ADAMTS12: variants seen among roughly 807,000 people sequenced by gnomAD.
ADAMTS12 encodes the protein ADAM metallopeptidase with thrombospondin type 1 motif 12.
Under a neutral mutation model 167.8 loss-of-function variants are expected in ADAMTS12, and 118 were observed. The observed-to-expected ratio is 0.70, with a 90% CI of 0.61 to 0.82. The LOEUF is 0.82. ADAMTS12 is among the 40% of genes least tolerant of loss of function. The pLI, the probability that ADAMTS12 is intolerant of heterozygous loss-of-function variation, is 0.00. For synonymous variants in ADAMTS12, 704 were observed against 716.9 expected (o/e 0.98, Z 0.29); for missense variants, 1,916 against 1,998.8 (o/e 0.96, Z 0.79).
chr5:33,555,828 T>A (rs1745465430), intron 20 of ADAMTS12, among the ~76,000 whole-genome samples: 1 of 152,214 alleles, frequency 6.6e-6, no homozygotes, highest in African/African-American at 2.4e-5. Context: ...CCATGCAATG[T>A]CAGACACGTG....
chr5:33,858,623 C>T (rs1370292547), intron 2 of ADAMTS12, among the ~76,000 whole-genome samples: 1 of 151,056 alleles, frequency 6.6e-6, no homozygotes, highest in East Asian at 1.9e-4. Context: ...ACACCACTAC[C>T]CTCCAGTCTG....
In ADAMTS12 at chr5:33,662,789, C is replaced by T. The variant is rs574356985; in HGVS notation, c.916-749G>A. Among the ~76,000 whole-genome samples the T allele has an allele frequency of 3.3e-5, 5 of 152,304 alleles. No individual in the cohort carries two copies. The South Asian group carries it at 1.0e-3, about 32-fold the overall frequency. ...AGAAAAATAGTCAGCTCTTTAGTGG[C>T]TCCGGTTTAATTTGAATTTCTAAAG... On this transcript the variant is annotated intron_variant, in intron 5 of 23. Transcript: ENST00000504830.
intron 3 of ADAMTS12, among the ~76,000 whole-genome samples, chr5:33,702,991 G>T (rs759882799): frequency 6.6e-6 from 1 of 152,084 alleles, no homozygotes; most frequent in Admixed American, 6.6e-5. Flanking sequence ...TCCACAGGTG[G>T]GGAGCACCTT....
At chr5:33,632,265 T>TGAAAAATTACCTATTGGGTACAGTGTG (rs1739979943) in intron 12 of ADAMTS12, among the ~76,000 whole-genome samples, 1 of 151,594 alleles carries the variant, frequency 6.6e-6, no homozygotes, top group Admixed American at 6.6e-5. Flanking sequence ...TGGAAGGAGT[T>TGAAAAATTACCTATTGGGTACAGTGTG]TGAGGGTTGA....
At position 33,615,996 on chromosome 5, in the gene ADAMTS12, G is replaced by A. The variant is rs752669536; in HGVS notation, c.2220C>T (p.Phe740=). ...CAGGATCTTCACTCCTGATGGCCAG[G>A]AAGTTTCCAGCTCCCTCAATTTCCA... The part of the protein sequence containing the change: ...RVMEIEGAGN[F]LAIRSEDPEK... The change falls in exon 15 of 24, where the codon TTC becomes TTT. Residue 740 remains phenylalanine (F), a synonymous_variant. Transcript: ENST00000504830. 45 of 1,614,022 alleles carry A rather than the reference G, an allele frequency of 2.8e-5. No individual in the cohort carries two copies. The African/African-American group carries it at 5.2e-4, about 19-fold the overall frequency.
chr5:33,562,829 A>G (rs1198687506), intron 19 of ADAMTS12, among the ~76,000 whole-genome samples: 1 of 152,084 alleles, frequency 6.6e-6, no homozygotes, highest in Non-Finnish European at 1.5e-5. Flanking sequence ...ACAGGGCTTC[A>G]CCATATTGAC....
At chr5:33,585,038 TATCCATCC>T (rs34073710) in intron 18 of ADAMTS12, among the ~76,000 whole-genome samples, 6,515 of 150,466 alleles carry the variant, frequency 0.043, 422 homozygotes, top group African/African-American at 0.14. Flanking sequence ...GTTATCCATG[TATCCATCC>T]ATCCATCCAT....
intron 3 of ADAMTS12, among the ~76,000 whole-genome samples, chr5:33,739,435 A>G (rs1403951416): frequency 6.6e-6 from 1 of 152,026 alleles, no homozygotes; most frequent in Non-Finnish European, 1.5e-5. Flanking sequence ...CTTTTTAACC[A>G]AATACCACAT....
At chr5:33,754,873 TA>T (rs1745117644) in intron 2 of ADAMTS12, among the ~76,000 whole-genome samples, 1 of 152,052 alleles carries the variant, frequency 6.6e-6, no homozygotes, top group South Asian at 2.1e-4. Context: ...AATAAATAAA[TA>T]AATAAATAAA....
At chr5:33,692,280 C>T (rs912426344) in intron 3 of ADAMTS12, among the ~76,000 whole-genome samples, 1 of 152,098 alleles carries the variant, frequency 6.6e-6, no homozygotes, top group African/African-American at 2.4e-5. Context: ...TTCCTCCTTC[C>T]TGGCCTGAAT....
chr5:33,743,810 G>C (rs564760281), intron 3 of ADAMTS12, among the ~76,000 whole-genome samples: 22 of 151,956 alleles, frequency 1.4e-4, no homozygotes, highest in African/African-American at 5.1e-4. Context: ...AAGATTTTAA[G>C]TAGTCCTTTC....
At chr5:33,535,767 A>G (rs915404273) in intron 22 of ADAMTS12, among the ~76,000 whole-genome samples, 1 of 152,052 alleles carries the variant, frequency 6.6e-6, no homozygotes, top group Non-Finnish European at 1.5e-5. Context: ...GGATGTGAGG[A>G]GGGGTGGAGC....
At position 33,849,731 on chromosome 5, in the gene ADAMTS12, T is replaced by C. The variant is rs191267546; in HGVS notation, c.489+31388A>G. 3.2e-3 allele frequency among the ~76,000 whole-genome samples: 474 copies of C among 149,654 alleles called. 4 individuals are homozygous for C. The highest frequency in any genetic ancestry group is 0.011 in the African/African-American group (456 of 40,814). Reference sequence around the variant, plus strand: ...TGCATAGCAATATATAGTATCTATATATGTATTGCATAGCAATATATAGTA... The same window carrying C: ...TGCATAGCAATATATAGTATCTATACATGTATTGCATAGCAATATATAGTA... On this transcript the variant is annotated intron_variant, in intron 2 of 23. Transcript: ENST00000504830.
chr5:33,654,124 A>G (rs1200927401), intron 7 of ADAMTS12, among the ~76,000 whole-genome samples: 1 of 151,806 alleles, frequency 6.6e-6, no homozygotes, highest in Non-Finnish European at 1.5e-5. Context: ...TTTTATTTAC[A>G]TTATTGCATT....
intron 22 of ADAMTS12, among the ~76,000 whole-genome samples, chr5:33,542,355 C>A (rs1744750044): frequency 6.6e-6 from 1 of 152,096 alleles, no homozygotes; most frequent in South Asian, 2.1e-4. Flanking sequence ...TAGAGACCTA[C>A]AAAGAGACTT....
intron 2 of ADAMTS12, among the ~76,000 whole-genome samples, chr5:33,755,382 T>C (rs1039368449): frequency 2.6e-5 from 4 of 152,170 alleles, no homozygotes; most frequent in African/African-American, 7.2e-5. Flanking sequence ...GTATTTGACC[T>C]CCACTGCTCT....
chr5:33,676,623 A>G (rs1741914904), intron 5 of ADAMTS12, among the ~76,000 whole-genome samples: 1 of 151,318 alleles, frequency 6.6e-6, no homozygotes, highest in Non-Finnish European at 1.5e-5. Context: ...ATTCAAAGAT[A>G]CAGTGAACTA....
At chr5:33,743,878 G>A (rs954422743) in intron 3 of ADAMTS12, among the ~76,000 whole-genome samples, 1 of 152,094 alleles carries the variant, frequency 6.6e-6, no homozygotes. Context: ...TTTGTCTCTG[G>A]TGCACATTCC....
At position 33,588,780 on chromosome 5, in the gene ADAMTS12, G is replaced by A; in HGVS notation, c.2684C>T (p.Ser895Leu). 5 of 1,613,680 alleles carry A rather than the reference G, an allele frequency of 3.1e-6. No homozygotes were observed. The highest frequency in any genetic ancestry group is 1.3e-5 in the African/African-American group (1 of 75,036). ...RWWAGEWEAC[S>L]ATCGPHGEKK... The stretch of plus-strand genomic sequence containing the variant: ...CTCCCCGTGGGGCCCGCATGTCGCC[G>A]AGCATGCTTCCCACTCCCCTGCCCA... Residue 895 changes from serine to leucine, a missense_variant, in exon 18 of 24, where the codon TCG becomes TTG. Transcript: ENST00000504830.
Sources: allele counts gnomAD v4.1 joint callset (sites outside exome capture counted in the v4.1 genomes callset), GRCh38; gene constraint gnomAD v4.1.1; transcripts MANE v1.5; gene names NCBI Gene and HGNC (gene_info 2026-07-23, HGNC 2026-07-21).